The following EIF2AK2 variants were observed in gnomAD, a reference collection of about 807,000 sequenced individuals.
EIF2AK2 encodes eukaryotic translation initiation factor 2 alpha kinase 2, also known as interferon-induced, double-stranded RNA-activated protein kinase.
In EIF2AK2, 40 loss-of-function variants were observed where a neutral mutation model predicts 70.5. The ratio of observed to expected loss-of-function variants is 0.57; its 90% CI spans 0.44 to 0.74. The LOEUF (loss-of-function observed/expected upper bound fraction) is 0.74. Among genes scored for constraint, EIF2AK2 ranks in the 30% least tolerant of loss-of-function variants. EIF2AK2 has a pLI of 0.00. For synonymous variants in EIF2AK2, 198 were observed against 220.9 expected, an observed-to-expected ratio of 0.90 and a Z score of 0.92; for missense variants, 555 against 644.3, an observed-to-expected ratio of 0.86 and a Z score of 1.50.
intron 5 of EIF2AK2, 111 bp downstream of exon 5, chr2:37,141,442 C>A: frequency 7.9e-7 from 1 of 1,271,294 alleles, no homozygotes; most frequent in Non-Finnish European, 1.1e-6. Context: ...TAAAACCTTG[C>A]ATACAGAATG....
Position 37,120,062 on chromosome 2 carries a change from C to T in EIF2AK2, c.1145G>A (p.Arg382Lys). ...GTLEQWIEKR[R>K]GEKLDKVLAL... The stretch of plus-strand genomic sequence containing the variant: ...CAAAACTTTGTCTAGTTTCTCGCCT[C>T]TTCTTTTTTCAATCCATTGTTCCAA... Residue 382 changes from arginine (R) to lysine (K), a missense_variant, in exon 13 of 17, where the codon AGA becomes AAA. Coordinates refer to ENST00000233057, the MANE Select transcript of EIF2AK2 (RefSeq NM_001135651.3). The T allele has an allele frequency of 6.5e-7, 1 of 1,545,356 alleles. No individual in the cohort carries two copies. The highest frequency in any genetic ancestry group is 8.8e-7 in the Non-Finnish European group (1 of 1,141,758).
chr2:37,138,322 G>A lies in EIF2AK2; in HGVS notation c.635C>T (p.Thr212Ile), dbSNP rs760935419. The A allele has an allele frequency of 1.2e-6, 2 of 1,613,984 alleles. No homozygotes were observed. Among genetic ancestry groups the A allele is most frequent in the South Asian group, 1.1e-5 (1 of 91,062 alleles). ...SSSEGDFSAD[T>I]SEINSNSDSL... ...GTCACTGTTAGAATTTATCTCTGAT[G>A]TATCTGCTGAGAAGTCACCTTCAGA... The change falls in exon 8 of 17, where the codon ACA (threonine) becomes ATA (isoleucine). Residue 212 changes from threonine to isoleucine, a missense_variant. Physicochemically the swap from Thr to Ile is moderately conservative, Grantham distance 89 (BLOSUM62 -1). Coordinates refer to ENST00000233057, the MANE Select transcript of EIF2AK2 (RefSeq NM_001135651.3).
intron 10 of EIF2AK2, among the ~76,000 whole-genome samples, chr2:37,135,124 C>T (rs1273167667): frequency 6.6e-6 from 1 of 152,182 alleles, no homozygotes; most frequent in Non-Finnish European, 1.5e-5. Flanking sequence ...GGGACTAGAT[C>T]TAATAATGGC....
At chr2:37,156,723 G>A (rs1313862934) in intron 1 of EIF2AK2, among the ~76,000 whole-genome samples, 185 bp downstream of exon 1, 1 of 152,188 alleles carries the variant, frequency 6.6e-6, no homozygotes, top group Non-Finnish European at 1.5e-5. Flanking sequence ...CACCCGGGCT[G>A]CGGACCTGGG....
chr2:37,107,120 CCTTT>C lies in EIF2AK2; in HGVS notation c.*149_*152del, dbSNP rs1673988937. The C allele has an allele frequency of 8.4e-6, 8 of 950,144 alleles. No individual in the cohort carries two copies. Among genetic ancestry groups the C allele is most frequent in the Non-Finnish European group, 1.1e-5 (8 of 698,046 alleles). The allele number at this position is 950,144 out of a possible 1,614,324, so 58.9% of individuals were successfully genotyped here. On this transcript the variant is annotated 3_prime_UTR_variant, in exon 17 of 17. Transcript: ENST00000233057. Reference sequence around the variant, plus strand: ...TGTTTTTGAAGCAAAAAGAAGAAAACCTTTCTGTTTCTGCAGAAAGATTAGTAAA... The same window carrying C: ...TGTTTTTGAAGCAAAAAGAAGAAAACCTGTTTCTGCAGAAAGATTAGTAAA...
rs749443371 is a variant in EIF2AK2, at chr2:37,139,752, T to C, written c.395A>G (p.His132Arg). ...ASGVHGPEGFHYKCKMGQKEY... is the reference protein window; with the variant it reads ...ASGVHGPEGFRYKCKMGQKEY... ...TTTCTGTCCCATTTTGCATTTATAA[T>C]GAAATCTAGGAGAAATCATAGAAGG... The change falls in exon 6 of 17, where the codon CAT (histidine) becomes CGT (arginine). Residue 132 changes from histidine (H) to arginine (R), a missense_variant. Physicochemically the swap from His to Arg is conservative, Grantham distance 29. This residue lies in a region of EIF2AK2 where 208 missense variants were observed against 191.8 expected (regional missense o/e 1.08). Coordinates refer to ENST00000233057, the MANE Select transcript of EIF2AK2 (RefSeq NM_001135651.3). 11 of 1,609,620 alleles carry C rather than the reference T, an allele frequency of 6.8e-6. No individual in the cohort carries two copies. The Admixed American group carries it at 1.7e-4, about 25-fold the overall frequency.
chr2:37,140,813 G>C (rs1675302671), intron 5 of EIF2AK2, among the ~76,000 whole-genome samples: 1 of 152,130 alleles, frequency 6.6e-6, no homozygotes, highest in Admixed American at 6.6e-5. Flanking sequence ...AAATAGCTGA[G>C]TCAATTCATA....
In EIF2AK2 at chr2:37,109,201, G is replaced by A; in HGVS notation, c.1472C>T (p.Thr491Ile). ...TCTTTGAGATAATTTTACCTTTGAT[G>A]TTTCAAAAGCAGTGTCACATACATG... ...LLHVCDTAFE[T>I]SKFFTDLRDG... The change falls in exon 15 of 17, where the codon ACA becomes ATA. Residue 491 changes from threonine (T) to isoleucine (I), a missense_variant. Thr to Ile is a moderately conservative substitution (Grantham distance 89). Coordinates refer to ENST00000233057, the MANE Select transcript of EIF2AK2 (RefSeq NM_001135651.3). 2 of 1,613,704 alleles carry A rather than the reference G, an allele frequency of 1.2e-6. No homozygotes were observed. The highest frequency in any genetic ancestry group is 1.7e-6 in the Non-Finnish European group (2 of 1,179,814).
At chr2:37,145,141 GT>G (rs57402760) in intron 4 of EIF2AK2, among the ~76,000 whole-genome samples, 479 of 129,036 alleles carry the variant, frequency 3.7e-3, no homozygotes, top group African/African-American at 4.1e-3. Flanking sequence ...GGTTTTGTGG[GT>G]TTTTTTTTTT....
intron 10 of EIF2AK2, among the ~76,000 whole-genome samples, chr2:37,127,509 T>C (rs750856029): frequency 5.2e-4 from 79 of 152,278 alleles, no homozygotes; most frequent in Non-Finnish European, 9.0e-4. Flanking sequence ...CCCCTCCTCA[T>C]TGCACTCAAA....
chr2:37,156,669 C>T (rs1025425780), intron 1 of EIF2AK2, among the ~76,000 whole-genome samples: 1 of 152,238 alleles, frequency 6.6e-6, no homozygotes. Flanking sequence ...TTTCAGTCCC[C>T]ACCCCGCTCC....
chr2:37,153,474 G>A (rs1675817984), intron 1 of EIF2AK2, among the ~76,000 whole-genome samples: 1 of 151,434 alleles, frequency 6.6e-6, no homozygotes, highest in South Asian at 2.1e-4. Flanking sequence ...CGAGTAGCTG[G>A]GACCATAGGC....
At chr2:37,142,536 TTTTC>T (rs1265009553) in intron 4 of EIF2AK2, among the ~76,000 whole-genome samples, 1 of 152,104 alleles carries the variant, frequency 6.6e-6, no homozygotes, top group Admixed American at 6.6e-5. Flanking sequence ...ACCATTGTTA[TTTTC>T]TTTCTTCTGC....
intron 1 of EIF2AK2, 149 bp downstream of exon 1, chr2:37,156,759 C>A (rs1675943676): frequency 6.5e-6 from 1 of 152,910 alleles, no homozygotes; most frequent in Admixed American, 6.5e-5. Flanking sequence ...CTGACCCAGC[C>A]GGGGCCAGGG....
At position 37,102,772 on chromosome 2, in the gene EIF2AK2, A is replaced by G. The variant is rs1298994909; in HGVS notation, c.*4501T>C. On this transcript the variant is annotated 3_prime_UTR_variant, in exon 17 of 17. Transcript: ENST00000233057. ...AGTCCCACAAATTATGTAGCTGGCC[A>G]TACACACACATGCACACATACCACA... 1 of 152,182 alleles carries G rather than the reference A, an allele frequency of 6.6e-6. No homozygotes were observed. The highest frequency in any genetic ancestry group is 1.5e-5 in the Non-Finnish European group (1 of 68,042). The allele number at this position is 152,182 out of a possible 1,614,324, so 9.4% of individuals were successfully genotyped here.
At chr2:37,150,810 C>G (rs1013087829) in intron 1 of EIF2AK2, among the ~76,000 whole-genome samples, 4 of 152,150 alleles carry the variant, frequency 2.6e-5, no homozygotes, top group Non-Finnish European at 4.4e-5. Context: ...ATAGATTTCT[C>G]TATGAAATCC....
chr2:37,132,402 C>G (rs908062345), intron 10 of EIF2AK2, among the ~76,000 whole-genome samples: 6 of 152,108 alleles, frequency 3.9e-5, no homozygotes, highest in African/African-American at 1.4e-4. Flanking sequence ...CCAGCCTGAT[C>G]AACATGGTGA....
intron 10 of EIF2AK2, among the ~76,000 whole-genome samples, chr2:37,132,120 G>C (rs991050717): frequency 7.2e-5 from 11 of 152,156 alleles, no homozygotes; most frequent in African/African-American, 2.4e-4. Context: ...GGAACCGTGA[G>C]GCTGACTATT....
In EIF2AK2 at chr2:37,107,500, T is replaced by C. The variant is rs1473142635; in HGVS notation, c.1507A>G (p.Ile503Val). The change falls in exon 16 of 17, where the codon ATC (isoleucine) becomes GTC (valine). Residue 503 changes from isoleucine to valine, a missense_variant. Transcript: ENST00000233057. ...TCTTTTTTATCAAATATATCTGAGATGATGCCATCCCGTAGGTCTGTGAAA... is the reference window on the plus strand; with the variant it reads ...TCTTTTTTATCAAATATATCTGAGACGATGCCATCCCGTAGGTCTGTGAAA... ...KFFTDLRDGI[I>V]SDIFDKKEKT... 6.2e-7 allele frequency: 1 copy of C among 1,612,742 alleles called. No individual in the cohort carries two copies. The highest frequency in any genetic ancestry group is 8.5e-7 in the Non-Finnish European group (1 of 1,179,718).
Sources: gnomAD v4.1 joint callset for allele counts (sites outside exome capture counted in the v4.1 genomes callset) on GRCh38, gnomAD v4.1.1 for gene constraint, gnomAD v4.1.1 regional missense constraint, MANE v1.5 for transcripts, NCBI Gene and HGNC (gene_info 2026-07-23, HGNC 2026-07-21) for gene names.